The following NFIA variants were observed in gnomAD, a reference collection of about 807,000 sequenced individuals.
NFIA encodes nuclear factor I A.
In NFIA, 8 loss-of-function variants were observed where a neutral mutation model predicts 62.8. The ratio of observed to expected loss-of-function variants is 0.13; its 90% CI spans 0.07 to 0.23. The LOEUF (loss-of-function observed/expected upper bound fraction) is 0.23, where lower values mean the gene tolerates loss of function less well. Among genes scored for constraint, NFIA ranks in the 10% least tolerant of loss-of-function variants. The probability of loss-of-function intolerance (pLI) is 1.00; values close to 1 mark genes in which losing one functional copy is unlikely to be tolerated. For synonymous variants in NFIA, 235 were observed against 238.1 expected (o/e 0.99, Z 0.12); for missense variants, 410 against 642.1 (o/e 0.64, Z 3.91).
chr1:61,174,200 C>CTTT (rs1165659505), intron 2 of NFIA, among the ~76,000 whole-genome samples: 1 of 152,168 alleles, frequency 6.6e-6, no homozygotes, highest in East Asian at 1.9e-4. Context: ...AGGTCGGCGG[C>CTTT]TAAATGTGGT....
intron 3 of NFIA, among the ~76,000 whole-genome samples, chr1:61,288,568 G>A (rs534049220): frequency 6.6e-6 from 1 of 152,320 alleles, no homozygotes; most frequent in Non-Finnish European, 1.5e-5. Context: ...AATCATAATA[G>A]TAGCTCACAA....
chr1:61,278,780 G>GAACA (rs58668249), intron 3 of NFIA, among the ~76,000 whole-genome samples: 12,440 of 152,134 alleles, frequency 0.082, 558 homozygotes, highest in East Asian at 0.13. Context: ...CAACAGAGCA[G>GAACA]AACATCTCAG....
intron 7 of NFIA, among the ~76,000 whole-genome samples, chr1:61,402,913 G>A (rs981318757): frequency 6.6e-6 from 1 of 152,144 alleles, no homozygotes; most frequent in Non-Finnish European, 1.5e-5. Flanking sequence ...TCCCGGTAGG[G>A]AACAAAGAAC....
chr1:61,289,702 G>A (rs1055974665), intron 3 of NFIA, among the ~76,000 whole-genome samples: 11 of 152,190 alleles, frequency 7.2e-5, no homozygotes, highest in South Asian at 2.1e-4. Flanking sequence ...CACAAACAAC[G>A]TTAGTTCCTT....
chr1:61,119,014 C>T (rs1646841261), intron 2 of NFIA, among the ~76,000 whole-genome samples: 1 of 152,030 alleles, frequency 6.6e-6, no homozygotes, highest in Non-Finnish European at 1.5e-5. Context: ...TATTATAGGT[C>T]TTTTCCTCCT....
chr1:61,179,545 G>A (rs1445450346), intron 2 of NFIA, among the ~76,000 whole-genome samples: 1 of 152,172 alleles, frequency 6.6e-6, no homozygotes, highest in Non-Finnish European at 1.5e-5. Flanking sequence ...CATTGCCATT[G>A]GAGCTCCTGA....
chr1:61,082,481 G>C, upstream of NFIA: 3 of 1,084,174 alleles, frequency 2.8e-6, no homozygotes, highest in Non-Finnish European at 3.4e-6. Context: ...GGGCCGGCGC[G>C]GGAGCGGGAA....
intron 8 of NFIA, among the ~76,000 whole-genome samples, chr1:61,406,161 A>G (rs1419207573): frequency 1.3e-5 from 2 of 152,218 alleles, no homozygotes; most frequent in African/African-American, 4.8e-5. Context: ...CTTAGATATT[A>G]AATATTTAAT....
At chr1:61,171,643 C>A (rs1157681102) in intron 2 of NFIA, among the ~76,000 whole-genome samples, 1 of 152,118 alleles carries the variant, frequency 6.6e-6, no homozygotes, top group Non-Finnish European at 1.5e-5. Context: ...GCCTGCTGAT[C>A]TAATCTGAGG....
At chr1:61,230,804 C>CT (rs2100631236) in intron 2 of NFIA, among the ~76,000 whole-genome samples, 1 of 152,320 alleles carries the variant, frequency 6.6e-6, no homozygotes, top group South Asian at 2.1e-4. Flanking sequence ...AGGTGCTGTG[C>CT]TTTACCAGTG....
chr1:61,188,362 CA>C (rs764860166), intron 2 of NFIA, among the ~76,000 whole-genome samples: 22 of 152,098 alleles, frequency 1.4e-4, no homozygotes, highest in Non-Finnish European at 2.4e-4. Context: ...CCGAGCTCAA[CA>C]AAAACATCTA....
At chr1:61,200,768 C>A (rs1269894176) in intron 2 of NFIA, among the ~76,000 whole-genome samples, 1 of 152,028 alleles carries the variant, frequency 6.6e-6, no homozygotes, top group South Asian at 2.1e-4. Flanking sequence ...TGAAGAAAAC[C>A]TAAACAAACC....
At chr1:61,180,991 A>G (rs1301729670) in intron 2 of NFIA, among the ~76,000 whole-genome samples, 2 of 152,234 alleles carry the variant, frequency 1.3e-5, no homozygotes, top group Non-Finnish European at 2.9e-5. Context: ...CTGGCATATA[A>G]GAGCTAAAAT....
At chr1:61,079,507 G>A (rs1646070213), upstream of NFIA, among the ~76,000 whole-genome samples, 1 of 152,164 alleles carries the variant, frequency 6.6e-6, no homozygotes, top group African/African-American at 2.4e-5. Flanking sequence ...GGAAGAATAT[G>A]GATAGCAGAG....
intron 4 of NFIA, among the ~76,000 whole-genome samples, chr1:61,350,530 G>A (rs180981089): frequency 2.6e-5 from 4 of 152,266 alleles, no homozygotes; most frequent in Admixed American, 1.3e-4. Context: ...CAGCTATTCC[G>A]GAGGCTGAGG....
At chr1:61,278,063 T>A (rs1348334371) in intron 3 of NFIA, among the ~76,000 whole-genome samples, 1 of 149,992 alleles carries the variant, frequency 6.7e-6, no homozygotes, top group Non-Finnish European at 1.5e-5. Context: ...AAAAAAAAAA[T>A]ATCTATGCTT....
intron 2 of NFIA, among the ~76,000 whole-genome samples, chr1:61,141,719 G>A (rs1044416304): frequency 6.6e-6 from 1 of 152,086 alleles, no homozygotes; most frequent in Non-Finnish European, 1.5e-5. Flanking sequence ...TACTTGTCTT[G>A]ACCTGTTTCA....
At chr1:61,353,547 G>A (rs2100432494) in intron 5 of NFIA, among the ~76,000 whole-genome samples, 1 of 152,276 alleles carries the variant, frequency 6.6e-6, no homozygotes, top group East Asian at 1.9e-4. Flanking sequence ...GCAGAAAAAT[G>A]TCTGACAAAG....
At chr1:61,446,930 C>T (rs180857851) in intron 10 of NFIA, among the ~76,000 whole-genome samples, 10 of 152,310 alleles carry the variant, frequency 6.6e-5, no homozygotes, top group African/African-American at 1.9e-4. Flanking sequence ...TCCCACGCCT[C>T]TCTTTTTAAA....
Sources: allele counts gnomAD v4.1 joint callset (sites outside exome capture counted in the v4.1 genomes callset), GRCh38; gene constraint gnomAD v4.1.1; transcripts MANE v1.5; gene names NCBI Gene and HGNC (gene_info 2026-07-23, HGNC 2026-07-21).